Variants in CHODL observed in about 807,000 individuals in gnomAD.
CHODL encodes transmembrane protein MT75.
Under a neutral mutation model 34.5 loss-of-function variants are expected in CHODL, and 29 were observed. The observed-to-expected ratio is 0.84, with a 90% confidence interval of 0.63 to 1.15. The LOEUF is 1.15. Among genes scored for constraint, CHODL ranks in the 50% most tolerant of loss-of-function variants. The pLI is 0.00. For synonymous variants in CHODL, 125 were observed against 116.1 expected (o/e 1.08, Z -0.49); for missense variants, 332 against 332.5 (o/e 1.00, Z 0.01).
chr21:18,133,471 A>G (rs547357275), intron 2 of CHODL, among the ~76,000 whole-genome samples: 1 of 152,264 alleles, frequency 6.6e-6, no homozygotes, highest in Admixed American at 6.5e-5. Flanking sequence ...TCACATACCC[A>G]TGCACACACA....
rs372684532 is a variant in CHODL, at chr21:18,267,024, G to A, written c.*986G>A. The stretch of plus-strand genomic sequence containing the variant: ...CAGATAGTTGCAAAGTTAGTCTAAG[G>A]TTTCCCTAGCTGTATTTAGCCTCTG... On this transcript the variant is annotated 3_prime_UTR_variant, in exon 6 of 6. Transcript: ENST00000299295. The A allele has an allele frequency of 1.3e-5, 2 of 152,100 alleles. No individual in the cohort carries two copies. Among genetic ancestry groups the A allele is most frequent in the Non-Finnish European group, 2.9e-5 (2 of 68,056 alleles). The allele number at this position is 152,100 out of a possible 1,614,324, so 9.4% of individuals were successfully genotyped here.
intron 1 of CHODL, among the ~76,000 whole-genome samples, chr21:18,002,958 C>T (rs1223229069): frequency 6.6e-6 from 1 of 152,002 alleles, no homozygotes; most frequent in Non-Finnish European, 1.5e-5. Flanking sequence ...CCCGTCTCTA[C>T]TAAAAATACA....
intron 2 of CHODL, among the ~76,000 whole-genome samples, chr21:18,209,760 G>A (rs151016246): frequency 2.1e-4 from 32 of 152,226 alleles, no homozygotes; most frequent in African/African-American, 7.7e-4. Flanking sequence ...TCCAGGACTG[G>A]GTTCTTCCCT....
At position 18,004,346 on chromosome 21, in the gene CHODL, AAATC is replaced by A. The variant is rs562340163; in HGVS notation, c.-144-23522_-144-23519del. ...CCTCTATAAGTGGTGTCAAAGGTCT[AAATC>A]AATATGTATTAGCATACTGTACTTA... On this transcript the variant is annotated intron_variant, in intron 1 of 6. Coordinates refer to the CHODL transcript ENST00000400127. Among the ~76,000 whole-genome samples, 12 of 152,362 alleles carry A rather than the reference AAATC, an allele frequency of 7.9e-5. No individual in the cohort carries two copies. In the South Asian group the frequency reaches 2.1e-3, roughly 26 times the overall value.
chr21:17,987,202 AG>A (rs926818076), intron 1 of CHODL, among the ~76,000 whole-genome samples: 7 of 152,158 alleles, frequency 4.6e-5, no homozygotes, highest in Admixed American at 3.9e-4. Flanking sequence ...CTCAGCCAAC[AG>A]GAGGCAGGGT....
chr21:18,117,045 T>C (rs867957865), intron 2 of CHODL, among the ~76,000 whole-genome samples: 3 of 152,162 alleles, frequency 2.0e-5, no homozygotes, highest in Non-Finnish European at 4.4e-5. Flanking sequence ...TTAGCTGCCA[T>C]TGGGAATGGA....
chr21:17,937,480 C>A (rs564398677), intron 1 of CHODL, among the ~76,000 whole-genome samples: 10 of 152,278 alleles, frequency 6.6e-5, no homozygotes, highest in Admixed American at 2.0e-4. Context: ...TGAGGGTGAT[C>A]CAGGTTTGTG....
chr21:18,233,927 T>A (rs908757455), intron 2 of CHODL, among the ~76,000 whole-genome samples: 1 of 152,154 alleles, frequency 6.6e-6, no homozygotes, highest in Non-Finnish European at 1.5e-5. Context: ...GCAGAATGCA[T>A]AATATTTTAA....
intron 1 of CHODL, among the ~76,000 whole-genome samples, chr21:18,008,420 T>G (rs1280066001): frequency 1.3e-5 from 2 of 152,164 alleles, no homozygotes; most frequent in South Asian, 2.1e-4. Flanking sequence ...ATACAGTAGA[T>G]CTCTAGAACT....
intron 1 of CHODL, among the ~76,000 whole-genome samples, chr21:17,936,770 A>G (rs528011298): frequency 1.3e-5 from 2 of 152,236 alleles, no homozygotes; most frequent in East Asian, 3.9e-4. Context: ...GAGAGTAAAT[A>G]TCTATTAAAA....
chr21:18,215,012 C>A (rs969354291), intron 2 of CHODL, among the ~76,000 whole-genome samples: 3 of 151,988 alleles, frequency 2.0e-5, no homozygotes, highest in African/African-American at 7.2e-5. Context: ...CAAAGATATT[C>A]ATGATAAAAC....
chr21:18,201,003 T>C (rs575638791), intron 2 of CHODL, among the ~76,000 whole-genome samples: 103 of 152,302 alleles, frequency 6.8e-4, no homozygotes, highest in African/African-American at 1.9e-3. Flanking sequence ...GATTGCAGAC[T>C]TCTGGCCTTC....
intron 2 of CHODL, among the ~76,000 whole-genome samples, chr21:18,095,317 A>T (rs909421830): frequency 3.3e-5 from 5 of 152,142 alleles, no homozygotes; most frequent in African/African-American, 4.8e-5. Context: ...GAGATGAGAA[A>T]GGAGACATTA....
intron 2 of CHODL, chr21:18,134,263 T>G: frequency 2.0e-6 from 1 of 502,122 alleles, no homozygotes; most frequent in South Asian, 1.5e-5. Flanking sequence ...GATCTTGCCA[T>G]TTTTATACTT....
intron 2 of CHODL, among the ~76,000 whole-genome samples, chr21:18,185,269 A>G (rs531666608): frequency 2.6e-5 from 4 of 152,040 alleles, no homozygotes; most frequent in Admixed American, 6.6e-5. Flanking sequence ...GACAACATGC[A>G]GTGTTTGCTT....
intron 2 of CHODL, among the ~76,000 whole-genome samples, chr21:18,053,272 C>A (rs966606870): frequency 1.3e-5 from 2 of 151,860 alleles, no homozygotes; most frequent in East Asian, 3.9e-4. Context: ...AATATTTTTT[C>A]TCTTGCCAAA....
chr21:18,067,798 C>T (rs2064749215), intron 2 of CHODL, among the ~76,000 whole-genome samples: 2 of 152,116 alleles, frequency 1.3e-5, no homozygotes, highest in Non-Finnish European at 2.9e-5. Flanking sequence ...CTATTCCAAA[C>T]AATTTTTCTC....
rs184202374 is a variant in CHODL at position 18,116,460 on chromosome 21, T to C, written c.-45+88489T>C. 1.1e-4 allele frequency among the ~76,000 whole-genome samples: 16 copies of C among 152,374 alleles called. No homozygotes were observed. In the East Asian group the frequency reaches 2.5e-3, roughly 24 times the overall value. The stretch of plus-strand genomic sequence containing the variant: ...TGTGATCTGTTCACTTATATTTGTC[T>C]GTTTGCATTGCTATTATTCTAGTTC... On this transcript the variant is annotated intron_variant, in intron 2 of 6. Transcript: ENST00000400127.
intron 2 of CHODL, among the ~76,000 whole-genome samples, chr21:18,066,980 G>A (rs1195004482): frequency 2.6e-5 from 4 of 152,120 alleles, no homozygotes; most frequent in South Asian, 2.1e-4. Context: ...CCAGAACTAT[G>A]AGAAAATAAA....
Sources: allele counts gnomAD v4.1 joint callset (sites outside exome capture counted in the v4.1 genomes callset), GRCh38; gene constraint gnomAD v4.1.1; transcripts MANE v1.5; gene names NCBI Gene and HGNC (gene_info 2026-07-23, HGNC 2026-07-21).